The following RECK variants were observed in gnomAD, a reference collection of about 807,000 sequenced individuals.
RECK encodes reversion-inducing cysteine-rich protein with Kazal motifs.
In RECK, 69 loss-of-function variants were observed where a neutral mutation model predicts 115.1. The observed-to-expected ratio is 0.60, with a 90% CI of 0.49 to 0.73. RECK has a LOEUF of 0.73. Among genes scored for constraint, RECK ranks in the 30% least tolerant of loss-of-function variants. The pLI is 0.00. For missense variants in RECK, 1,047 were observed against 1,203.7 expected (o/e 0.87, Z 1.93); for synonymous variants, 414 against 419.7 (o/e 0.99, Z 0.17).
chr9:36,112,015 C>T (rs1447054082), intron 15 of RECK, among the ~76,000 whole-genome samples: 1 of 150,498 alleles, frequency 6.6e-6, no homozygotes, highest in Admixed American at 6.6e-5. Flanking sequence ...CCCAGCTACT[C>T]CGGAGGCTGA....
chr9:36,051,896 T>C (rs142111473), intron 1 of RECK, among the ~76,000 whole-genome samples: 476 of 152,344 alleles, frequency 3.1e-3, no homozygotes, highest in Non-Finnish European at 5.5e-3. Context: ...TTTTTATCAG[T>C]TGACTTTTTA....
intron 8 of RECK, 88 bp from the exon 9 acceptor site, chr9:36,087,606 A>T (rs1252083746): frequency 4.5e-5 from 62 of 1,386,698 alleles, no homozygotes; most frequent in Non-Finnish European, 2.0e-6. Context: ...AAATCTGCAC[A>T]TTCTGCACAT....
chr9:36,099,585 A>G (rs972281923), intron 10 of RECK, among the ~76,000 whole-genome samples: 2 of 151,982 alleles, frequency 1.3e-5, no homozygotes, highest in African/African-American at 4.8e-5. Flanking sequence ...GGCTTAAGCA[A>G]TCCTCCTGCC....
intron 1 of RECK, among the ~76,000 whole-genome samples, chr9:36,043,398 C>T (rs1480863757): frequency 2.0e-5 from 3 of 151,490 alleles, no homozygotes; most frequent in South Asian, 2.1e-4. Flanking sequence ...TGTCTGAGTT[C>T]CTTGTAGATT....
At chr9:36,098,649 C>A (rs1245633139) in intron 10 of RECK, among the ~76,000 whole-genome samples, 1 of 152,028 alleles carries the variant, frequency 6.6e-6, no homozygotes, top group Non-Finnish European at 1.5e-5. Context: ...CAAATAAAGA[C>A]CTGTCTAGTA....
At position 36,091,302 on chromosome 9, in the gene RECK, G is replaced by A; in HGVS notation, c.1044G>A (p.Leu348=). Residue 348 remains leucine (L), a synonymous_variant, in exon 10 of 21, where the codon TTG becomes TTA. Coordinates refer to ENST00000377966, the MANE Select transcript of RECK (RefSeq NM_021111.3). ...CGGATGTCCGGGAACCTTGCCAGTTGGGCTGTAGAAACCTTACTTACTGTA... is the reference window on the plus strand; with the variant it reads ...CGGATGTCCGGGAACCTTGCCAGTTAGGCTGTAGAAACCTTACTTACTGTA... ...CLADVREPCQ[L]GCRNLTYCTN... The A allele has an allele frequency of 6.2e-7, 1 of 1,600,752 alleles. No individual in the cohort carries two copies. The highest frequency in any genetic ancestry group is 8.5e-7 in the Non-Finnish European group (1 of 1,174,760).
At chr9:36,122,635 A>G (rs1182832844) in intron 20 of RECK, among the ~76,000 whole-genome samples, 189 bp from the exon 21 acceptor site, 1 of 152,168 alleles carries the variant, frequency 6.6e-6, no homozygotes, top group East Asian at 1.9e-4. Context: ...ATTTCCATTA[A>G]TGCTGCTATA....
intron 7 of RECK, among the ~76,000 whole-genome samples, chr9:36,082,914 G>A (rs1190307748): frequency 6.6e-6 from 1 of 152,110 alleles, no homozygotes; most frequent in Non-Finnish European, 1.5e-5. Context: ...GTTTGGTTTG[G>A]TTTTGCTTTG....
intron 1 of RECK, among the ~76,000 whole-genome samples, chr9:36,040,306 G>C (rs968010683): frequency 6.6e-6 from 1 of 152,150 alleles, no homozygotes; most frequent in African/African-American, 2.4e-5. Flanking sequence ...AACTTCAAAA[G>C]AGTTTATAAG....
At chr9:36,058,041 T>G (rs1821601158) in intron 2 of RECK, among the ~76,000 whole-genome samples, 1 of 149,626 alleles carries the variant, frequency 6.7e-6, no homozygotes, top group Admixed American at 6.7e-5. Flanking sequence ...AGGAACACTT[T>G]TACACTGTTG....
At chr9:36,088,366 T>C (rs1162423104) in intron 9 of RECK, among the ~76,000 whole-genome samples, 1 of 152,194 alleles carries the variant, frequency 6.6e-6, no homozygotes, top group Non-Finnish European at 1.5e-5. Flanking sequence ...TAACCTGGGT[T>C]AGCACTTATA....
At chr9:36,038,002 T>TAAAA (rs370999682) in intron 1 of RECK, among the ~76,000 whole-genome samples, 1 of 112,492 alleles carries the variant, frequency 8.9e-6, no homozygotes, top group Non-Finnish European at 1.8e-5. Flanking sequence ...AGAGACACCT[T>TAAAA]AAAAAAAAAA....
intron 6 of RECK, among the ~76,000 whole-genome samples, chr9:36,076,960 C>T (rs1371810595): frequency 6.6e-6 from 1 of 152,124 alleles, no homozygotes; most frequent in Non-Finnish European, 1.5e-5. Flanking sequence ...TGGCTCTGCC[C>T]TTTGCTTGCT....
At chr9:36,072,518 C>T (rs566705321) in intron 6 of RECK, among the ~76,000 whole-genome samples, 4 of 152,212 alleles carry the variant, frequency 2.6e-5, no homozygotes, top group Admixed American at 6.5e-5. Context: ...CAAAAGGAAT[C>T]GTGTGATACT....
At chr9:36,048,380 AC>A (rs1821156405) in intron 1 of RECK, among the ~76,000 whole-genome samples, 1 of 151,928 alleles carries the variant, frequency 6.6e-6, no homozygotes, top group South Asian at 2.1e-4. Context: ...CTGCTTGGCA[AC>A]CTTTTTCCTT....
chr9:36,048,242 G>C (rs1226126776), intron 1 of RECK, among the ~76,000 whole-genome samples: 1 of 149,610 alleles, frequency 6.7e-6, no homozygotes, highest in Non-Finnish European at 1.5e-5. Flanking sequence ...CTTTTGACTT[G>C]CCAATTCTAG....
At chr9:36,048,758 A>G (rs1821171370) in intron 1 of RECK, among the ~76,000 whole-genome samples, 1 of 152,140 alleles carries the variant, frequency 6.6e-6, no homozygotes, top group African/African-American at 2.4e-5. Context: ...TAAAACCCAC[A>G]TGCCCTTCCA....
chr9:36,061,709 AG>A (rs1365783238), intron 4 of RECK, among the ~76,000 whole-genome samples: 1 of 152,234 alleles, frequency 6.6e-6, no homozygotes, highest in Non-Finnish European at 1.5e-5. Context: ...GAACCTGAAT[AG>A]CAAGCAGCAA....
At chr9:36,111,809 C>T (rs562439583) in intron 15 of RECK, among the ~76,000 whole-genome samples, 1 of 152,200 alleles carries the variant, frequency 6.6e-6, no homozygotes, top group African/African-American at 2.4e-5. Flanking sequence ...TCTTTACTTT[C>T]CCTACCTATA....
Sources: allele counts gnomAD v4.1 joint callset (sites outside exome capture counted in the v4.1 genomes callset), GRCh38; gene constraint gnomAD v4.1.1; transcripts MANE v1.5; gene names NCBI Gene and HGNC (gene_info 2026-07-23, HGNC 2026-07-21).